CHL1: variants seen among roughly 807,000 people sequenced by gnomAD.
CHL1 encodes the protein neural cell adhesion molecule L1-like protein.
A neutral mutation model predicts 141.9 loss-of-function variants in CHL1; 96 were observed. That is an observed-to-expected ratio of 0.68 (90% CI 0.57 to 0.80). The LOEUF is 0.80. Among genes scored for constraint, CHL1 ranks in the 30% least tolerant of loss-of-function variants. The pLI is 0.00. For missense variants in CHL1, 1,820 were observed against 1,457.2 expected, an observed-to-expected ratio of 1.25 and a Z score of -4.05; for synonymous variants, 613 against 502.2, an observed-to-expected ratio of 1.22 and a Z score of -2.95.
chr3:304,498 T>C (rs1699052966), intron 2 of CHL1, among the ~76,000 whole-genome samples: 1 of 152,234 alleles, frequency 6.6e-6, no homozygotes, highest in South Asian at 2.1e-4. Context: ...AATTTATCCA[T>C]TTCTTCTAGA....
At chr3:210,392 T>C (rs1026097907) in intron 1 of CHL1, among the ~76,000 whole-genome samples, 1 of 152,146 alleles carries the variant, frequency 6.6e-6, no homozygotes, top group African/African-American at 2.4e-5. Flanking sequence ...GGTAATATGG[T>C]GGTATCTCAG....
intron 2 of CHL1, among the ~76,000 whole-genome samples, chr3:253,572 C>T (rs162735): frequency 0.17 from 25,141 of 152,008 alleles, 2,327 homozygotes; most frequent in East Asian, 0.39. Flanking sequence ...TTCCTGTGAC[C>T]CACTAATGTA....
intron 1 of CHL1, among the ~76,000 whole-genome samples, chr3:232,626 A>C (rs150846563): frequency 4.0e-4 from 61 of 151,776 alleles, no homozygotes; most frequent in African/African-American, 1.4e-3. Context: ...CGAAGTTTCT[A>C]TTTGCTCATG....
chr3:224,166 G>A (rs924141517), intron 1 of CHL1, among the ~76,000 whole-genome samples: 1 of 152,154 alleles, frequency 6.6e-6, no homozygotes, highest in East Asian at 1.9e-4. Context: ...TTACAAAGGT[G>A]GTTTTGGTCC....
chr3:341,964 T>C lies in CHL1; in HGVS notation c.561T>C (p.Asp187=), dbSNP rs760600644. ...DERVYMSQKG[D]LYFANVEEKD... is the part of the protein sequence containing the mutation. ...GAGTATACATGAGCCAAAAGGGAGATCTATACTTCGCAAACGTGGAAGAAA... is the reference window on the plus strand; with the variant it reads ...GAGTATACATGAGCCAAAAGGGAGACCTATACTTCGCAAACGTGGAAGAAA... Residue 187 remains aspartate, a synonymous_variant, in exon 7 of 28, where the codon GAT becomes GAC. Coordinates refer to ENST00000256509, the MANE Select transcript of CHL1 (RefSeq NM_006614.4). 1 of 1,613,408 alleles carries C rather than the reference T, an allele frequency of 6.2e-7. No homozygotes were observed. The highest frequency in any genetic ancestry group is 1.1e-5 in the South Asian group (1 of 91,006).
intron 5 of CHL1, among the ~76,000 whole-genome samples, chr3:333,358 T>C (rs1399267686): frequency 6.6e-6 from 1 of 151,990 alleles, no homozygotes; most frequent in African/African-American, 2.4e-5. Flanking sequence ...GAGAATTGGT[T>C]CTTCTCAAAG....
intron 4 of CHL1, among the ~76,000 whole-genome samples, chr3:326,913 C>T (rs1378547230): frequency 6.6e-6 from 1 of 151,586 alleles, no homozygotes; most frequent in Non-Finnish European, 1.5e-5. Flanking sequence ...CATTAACATG[C>T]TAAATTATAA....
At chr3:294,654 A>C (rs940291023) in intron 2 of CHL1, among the ~76,000 whole-genome samples, 1 of 151,718 alleles carries the variant, frequency 6.6e-6, no homozygotes, top group Non-Finnish European at 1.5e-5. Context: ...TTTTTTCCAA[A>C]TATAGAATTA....
At chr3:383,542 T>G (rs1707313790) in intron 18 of CHL1, among the ~76,000 whole-genome samples, 1 of 152,144 alleles carries the variant, frequency 6.6e-6, no homozygotes, top group South Asian at 2.1e-4. Context: ...TTTAAAAATT[T>G]TAAAAGCAGA....
chr3:297,858 T>G (rs1325713138), intron 2 of CHL1, among the ~76,000 whole-genome samples: 2 of 152,184 alleles, frequency 1.3e-5, no homozygotes, highest in African/African-American at 4.8e-5. Flanking sequence ...TTGTGAACTC[T>G]TTACCCTGAT....
intron 1 of CHL1, among the ~76,000 whole-genome samples, chr3:230,037 G>A (rs754017004): frequency 2.6e-5 from 4 of 152,104 alleles, no homozygotes; most frequent in Admixed American, 6.6e-5. Flanking sequence ...GGCCCAATAA[G>A]GTTCTGTACA....
rs199732455 is a variant in CHL1, at chr3:319,784, C to T, written c.8C>T (p.Pro3Leu). The T allele has an allele frequency of 1.1e-5, 17 of 1,604,386 alleles. No homozygotes were observed. The highest frequency in any genetic ancestry group is 6.7e-5 in the African/African-American group (5 of 74,436). ME[P>L]LLLGRGLIVY... The stretch of plus-strand genomic sequence containing the variant: ...TCTTCTTCCTGAAGAGCAATGGAGC[C>T]GCTTTTACTTGGAAGAGGACTAATC... Residue 3 changes from proline to leucine, a missense_variant, in exon 3 of 28, where the codon CCG becomes CTG. Transcript: ENST00000256509.
intron 15 of CHL1, among the ~76,000 whole-genome samples, chr3:369,234 G>C (rs1705306861): frequency 1.1e-5 from 1 of 92,598 alleles, no homozygotes; most frequent in Non-Finnish European, 2.7e-5. Context: ...ATGAGGATGG[G>C]ATTTTTTTTT....
At chr3:308,235 T>A (rs1699419215) in intron 2 of CHL1, among the ~76,000 whole-genome samples, 1 of 152,238 alleles carries the variant, frequency 6.6e-6, no homozygotes, top group Non-Finnish European at 1.5e-5. Context: ...TTTGTGGACA[T>A]ATGTATGAAA....
In CHL1 at chr3:391,695, C is replaced by T. The variant is rs1708240785; in HGVS notation, c.2812C>T (p.Leu938=). 1.2e-6 allele frequency: 2 copies of T among 1,605,026 alleles called. No individual in the cohort carries two copies. The highest frequency in any genetic ancestry group is 2.7e-5 in the African/African-American group (2 of 74,566). The change falls in exon 23 of 28, where the codon CTA becomes TTA. Residue 938 remains leucine, a synonymous_variant. Coordinates refer to ENST00000256509, the MANE Select transcript of CHL1 (RefSeq NM_006614.4). ...PEGVPEQPTF[L]KVIKVDKDTA... Reference sequence around the variant, plus strand: ...TCTAGTACCTGAACAGCCAACTTTTCTAAAGGTCATCAAAGTTGATAAAGA... The same window carrying T: ...TCTAGTACCTGAACAGCCAACTTTTTTAAAGGTCATCAAAGTTGATAAAGA...
chr3:277,933 C>T (rs1469731182), intron 2 of CHL1, among the ~76,000 whole-genome samples: 3 of 152,184 alleles, frequency 2.0e-5, no homozygotes, highest in Non-Finnish European at 4.4e-5. Flanking sequence ...TACATCTCTG[C>T]ATCTAACAGA....
intron 24 of CHL1, among the ~76,000 whole-genome samples, chr3:398,024 T>C (rs1338717241): frequency 1.3e-5 from 2 of 152,188 alleles, no homozygotes; most frequent in Non-Finnish European, 2.9e-5. Flanking sequence ...TGGCCATGCA[T>C]TGAGTTCATT....
At chr3:244,925 C>T (rs1409813311) in intron 2 of CHL1, among the ~76,000 whole-genome samples, 3 of 151,986 alleles carry the variant, frequency 2.0e-5, no homozygotes, top group Non-Finnish European at 2.9e-5. Flanking sequence ...AAACCCTTAC[C>T]TTAAAGTTAT....
chr3:322,018 A>G, intron 3 of CHL1, among the ~76,000 whole-genome samples: 1 of 152,106 alleles, frequency 6.6e-6, no homozygotes. Flanking sequence ...CTAATAAACA[A>G]GTTGTTCACA....
Sources: gnomAD v4.1 joint callset for allele counts (sites outside exome capture counted in the v4.1 genomes callset) on GRCh38, gnomAD v4.1.1 for gene constraint, MANE v1.5 for transcripts, NCBI Gene and HGNC (gene_info 2026-07-23, HGNC 2026-07-21) for gene names.